The following ARID1B variants were observed in gnomAD, a reference collection of about 807,000 sequenced individuals.
The protein encoded by ARID1B is AT-rich interaction domain 1B.
In ARID1B, 30 loss-of-function variants were observed where a neutral mutation model predicts 212.3. The observed-to-expected ratio is 0.14, with a 90% CI of 0.11 to 0.19. The LOEUF is 0.19. Among genes scored for constraint, ARID1B ranks in the 10% least tolerant of loss-of-function variants. ARID1B has a pLI of 1.00. For missense variants in ARID1B, 2,891 were observed against 3,204.0 expected, an observed-to-expected ratio of 0.90 and a Z score of 2.36; for synonymous variants, 1,402 against 1,301.7, an observed-to-expected ratio of 1.08 and a Z score of -1.66.
At position 156,939,689 on chromosome 6, in the gene ARID1B, G is replaced by A. The variant is rs570635658; in HGVS notation, c.2247+4113G>A. Reference sequence around the variant, plus strand: ...AATGGGTGGATGTCTGCATCGCCAGGTGGGTGTTATTCTTAAAATGATTCT... The same window carrying A: ...AATGGGTGGATGTCTGCATCGCCAGATGGGTGTTATTCTTAAAATGATTCT... On this transcript the variant is annotated intron_variant, in intron 4 of 19. Transcript: ENST00000636930. 3 of 152,240 alleles carry A rather than the reference G, an allele frequency of 2.0e-5. No individual in the cohort carries two copies. In the South Asian group the frequency reaches 6.2e-4, roughly 32 times the overall value. 9.4% of individuals were successfully genotyped at this position (152,240 alleles called of 1,614,324 possible). A position where few individuals can be genotyped will look rare whatever the true frequency, so the allele number is the denominator to read the frequency against.
At chr6:157,031,904 C>A (rs1393431454) in intron 4 of ARID1B, among the ~76,000 whole-genome samples, 1 of 152,072 alleles carries the variant, frequency 6.6e-6, no homozygotes, top group Non-Finnish European at 1.5e-5. Context: ...TGTTCTCCTG[C>A]CTCAGCCTCA....
At chr6:157,018,310 A>G (rs537172660) in intron 4 of ARID1B, among the ~76,000 whole-genome samples, 65 of 133,256 alleles carry the variant, frequency 4.9e-4, no homozygotes, top group African/African-American at 1.7e-3. Context: ...TCTGCTTCCC[A>G]GGTTCAAGTG....
chr6:157,032,009 C>CTGG (rs1781044287), intron 4 of ARID1B, among the ~76,000 whole-genome samples: 1 of 152,140 alleles, frequency 6.6e-6, no homozygotes, highest in African/African-American at 2.4e-5. Context: ...GTTGGCCAGG[C>CTGG]TGGTCTCGAA....
chr6:157,036,802 G>A (rs1446514481), intron 4 of ARID1B: 1 of 491,344 alleles, frequency 2.0e-6, no homozygotes, highest in African/African-American at 1.9e-5. Context: ...GTTTTTGATA[G>A]TGCCTAAATT....
chr6:157,190,879 G>T lies in ARID1B; in HGVS notation c.4231+669G>T, dbSNP rs1014205089. Among the ~76,000 whole-genome samples the T allele has an allele frequency of 1.3e-5, 2 of 152,096 alleles. No individual in the cohort carries two copies. Among genetic ancestry groups the T allele is most frequent in the Non-Finnish European group, 2.9e-5 (2 of 68,018 alleles). The stretch of plus-strand genomic sequence containing the variant: ...GGAAAGCGATTTAGACTGAGTGGTC[G>T]GGAGGGAAGGGCCCTGAGGACCTGT... On this transcript the variant is annotated intron_variant, in intron 15 of 19. Transcript: ENST00000636930. The surrounding 1 kb of genome is among the most constrained non-coding windows in gnomAD (Gnocchi z 4.6).
chr6:157,022,868 G>A (rs940518410), intron 4 of ARID1B: 4 of 152,130 alleles, frequency 2.6e-5, no homozygotes, highest in African/African-American at 9.7e-5. Context: ...GTCAGTTTTC[G>A]GTGTTGATGT....
chr6:157,052,263 C>T (rs1426759631), intron 4 of ARID1B, among the ~76,000 whole-genome samples: 1 of 152,214 alleles, frequency 6.6e-6, no homozygotes, highest in Non-Finnish European at 1.5e-5. Context: ...TCAAGCTTCT[C>T]AGCCTGTGTG....
chr6:157,130,368 T>TA (rs1788466240), intron 6 of ARID1B, among the ~76,000 whole-genome samples: 1 of 152,212 alleles, frequency 6.6e-6, no homozygotes. Flanking sequence ...CACATTTTTT[T>TA]ATTAAACAGG....
rs543110839 is a variant in ARID1B at position 157,149,412 on chromosome 6, C to T, written c.3089+461C>T. 6.5e-5 allele frequency: 11 copies of T among 168,254 alleles called. No homozygotes were observed. The East Asian group carries it at 8.8e-4, about 14-fold the overall frequency. 10.4% of individuals were successfully genotyped at this position (168,254 alleles called of 1,614,324 possible). On this transcript the variant is annotated intron_variant, in intron 8 of 19. Coordinates refer to ENST00000636930, the MANE Select transcript of ARID1B (RefSeq NM_001374828.1). ...AATACAAACTTCGTATGTATACATA[C>T]GTGTATTGTGTGTTTGTCTAAATGT...
chr6:156,910,197 T>C (rs1252248132), intron 3 of ARID1B, among the ~76,000 whole-genome samples: 2 of 152,236 alleles, frequency 1.3e-5, no homozygotes, highest in Non-Finnish European at 2.9e-5. Context: ...TCTCTGGGGC[T>C]GTTCTAAATG....
intron 15 of ARID1B, chr6:157,195,164 C>T (rs1352078074): frequency 6.6e-6 from 1 of 152,194 alleles, no homozygotes; most frequent in Non-Finnish European, 1.5e-5. Flanking sequence ...GTATGATCCT[C>T]CAGTGTCTGT....
rs1583026359 is a variant in ARID1B at position 156,779,057 on chromosome 6, C to T, written c.1377C>T (p.Gly459=). ...GVLSSPRQQG[G]GMMMGPGGGG... ...TGAGCTCCCCCCGGCAGCAGGGCGG[C>T]GGCATGATGATGGGCCCCGGGGGCG... is the stretch of plus-strand genomic sequence containing the variant. The change falls in exon 1 of 20, where the codon GGC becomes GGT. Residue 459 remains glycine (G), a synonymous_variant. Coordinates refer to ENST00000636930, the MANE Select transcript of ARID1B (RefSeq NM_001374828.1). The T allele has an allele frequency of 4.9e-6, 6 of 1,223,856 alleles. No individual in the cohort carries two copies. The highest frequency in any genetic ancestry group is 3.3e-5 in the East Asian group (1 of 29,984). 75.8% of individuals were successfully genotyped at this position (1,223,856 alleles called of 1,614,324 possible).
intron 6 of ARID1B, among the ~76,000 whole-genome samples, chr6:157,117,884 A>G (rs1359316979): frequency 6.6e-6 from 1 of 152,144 alleles, no homozygotes; most frequent in African/African-American, 2.4e-5. Flanking sequence ...TCCCAGATGC[A>G]TTTCCATGAC....
Position 157,127,797 on chromosome 6 carries a change from A to C in ARID1B, c.2582-5231A>C, listed in dbSNP as rs566183666. Among the ~76,000 whole-genome samples the C allele has an allele frequency of 1.4e-4, 19 of 137,386 alleles. No homozygotes were observed. In the East Asian group the frequency reaches 3.2e-3, roughly 23 times the overall value. The allele number at this position is 137,386 out of a possible 152,430, so 90.1% of individuals were successfully genotyped here. A position where few individuals can be genotyped will look rare whatever the true frequency, so the allele number is the denominator to read the frequency against. On this transcript the variant is annotated intron_variant, in intron 6 of 19. Coordinates refer to ENST00000636930, the MANE Select transcript of ARID1B (RefSeq NM_001374828.1). ...AGACTCTGTCTCAAAAAAAAAAAAA[A>C]AAAAAAAAACAAAAATTAGCCAGGC... is the stretch of plus-strand genomic sequence containing the variant.
At chr6:156,836,352 G>T (rs1403750223) in intron 2 of ARID1B, among the ~76,000 whole-genome samples, 1 of 152,120 alleles carries the variant, frequency 6.6e-6, no homozygotes, top group Non-Finnish European at 1.5e-5. Flanking sequence ...TGTGAGTCAG[G>T]GTATTAGAGG....
chr6:156,850,139 T>C (rs1319801560), intron 2 of ARID1B, among the ~76,000 whole-genome samples: 2 of 151,454 alleles, frequency 1.3e-5, no homozygotes, highest in East Asian at 1.9e-4. Context: ...ACTGGACCAA[T>C]TGACAGGCTG....
At chr6:157,168,961 CAG>C (rs1401236318) in intron 9 of ARID1B, 2 of 152,188 alleles carry the variant, frequency 1.3e-5, no homozygotes, top group Non-Finnish European at 2.9e-5. Flanking sequence ...AAATGCATAA[CAG>C]AGGAGGACTG....
At chr6:157,161,353 C>A (rs1173056084) in intron 8 of ARID1B, among the ~76,000 whole-genome samples, 1 of 151,840 alleles carries the variant, frequency 6.6e-6, no homozygotes, top group Non-Finnish European at 1.5e-5. Flanking sequence ...GCTGTTGTTG[C>A]AGGCACGCTG....
intron 2 of ARID1B, among the ~76,000 whole-genome samples, chr6:156,869,631 AC>A (rs1255417115): frequency 6.6e-6 from 1 of 152,186 alleles, no homozygotes; most frequent in Non-Finnish European, 1.5e-5. Flanking sequence ...GCTTTTCTTC[AC>A]CCTTTTAGTA....
Sources: gnomAD v4.1 joint callset for allele counts (sites outside exome capture counted in the v4.1 genomes callset) on GRCh38, gnomAD v4.1.1 for gene constraint, Gnocchi (gnomAD v3.1) non-coding constraint, MANE v1.5 for transcripts, NCBI Gene and HGNC (gene_info 2026-07-23, HGNC 2026-07-21) for gene names.